SHISA9: variants seen among roughly 807,000 people sequenced by gnomAD.
SHISA9 encodes protein shisa-9.
In SHISA9, 13 loss-of-function variants were observed where a neutral mutation model predicts 38.0. The ratio of observed to expected loss-of-function variants is 0.34; its 90% confidence interval spans 0.22 to 0.54. The LOEUF (loss-of-function observed/expected upper bound fraction) is 0.54, where lower values mean the gene tolerates loss of function less well. Ranked by LOEUF, SHISA9 falls within the 20% of genes least tolerant of loss-of-function variation. The pLI is 0.91. For synonymous variants in SHISA9, 275 were observed against 242.0 expected (o/e 1.14, Z -1.27); for missense variants, 538 against 575.8 (o/e 0.93, Z 0.67).
chr16:13,502,203 C>T, the SHISA9 span, among the ~76,000 whole-genome samples: 1 of 139,640 alleles, frequency 7.2e-6, no homozygotes, highest in Non-Finnish European at 1.6e-5. Context: ...TTCCCACCTA[C>T]AAAATAAACC....
At chr16:13,223,888 C>G (rs1020209820) in intron 4 of SHISA9, among the ~76,000 whole-genome samples, 1 of 152,200 alleles carries the variant, frequency 6.6e-6, no homozygotes, top group South Asian at 2.1e-4. Flanking sequence ...TTGCAATATT[C>G]TATACTGCAG....
the SHISA9 span, among the ~76,000 whole-genome samples, chr16:13,257,088 G>A: frequency 9.9e-5 from 15 of 152,270 alleles, no homozygotes; most frequent in African/African-American, 2.2e-4. Flanking sequence ...GCCCATTTAC[G>A]AAGTTTTGTA....
chr16:13,007,536 C>G (rs2072614283), intron 2 of SHISA9, among the ~76,000 whole-genome samples: 1 of 152,180 alleles, frequency 6.6e-6, no homozygotes. Context: ...ATCTAAGATC[C>G]CAACCGTGTC....
At chr16:13,320,832 C>G in the SHISA9 span, among the ~76,000 whole-genome samples, 102 of 152,322 alleles carry the variant, frequency 6.7e-4, 1 homozygote, top group South Asian at 9.1e-3. Context: ...GGCCACCCCC[C>G]TCTAGACCTC....
chr16:13,297,869 G>A, the SHISA9 span, among the ~76,000 whole-genome samples: 2 of 152,140 alleles, frequency 1.3e-5, no homozygotes, highest in Non-Finnish European at 2.9e-5. Flanking sequence ...CAATTCTCCT[G>A]CTTCAGCCTC....
the SHISA9 span, among the ~76,000 whole-genome samples, chr16:13,390,574 T>G: frequency 6.6e-6 from 1 of 152,228 alleles, no homozygotes; most frequent in Non-Finnish European, 1.5e-5. Context: ...AAGTCACGTT[T>G]AAGAGCACGT....
At chr16:13,397,332 G>C in the SHISA9 span, among the ~76,000 whole-genome samples, 1 of 152,190 alleles carries the variant, frequency 6.6e-6, no homozygotes. Flanking sequence ...AGACAGGTCC[G>C]CTGTGGGGCT....
At chr16:13,043,114 C>A (rs2073150449) in intron 2 of SHISA9, among the ~76,000 whole-genome samples, 1 of 152,108 alleles carries the variant, frequency 6.6e-6, no homozygotes, top group Non-Finnish European at 1.5e-5. Flanking sequence ...CACTCAAGGA[C>A]CCAGGATGAT....
intron 1 of SHISA9, among the ~76,000 whole-genome samples, chr16:12,913,520 G>A (rs1325655212): frequency 4.6e-5 from 7 of 152,232 alleles, no homozygotes; most frequent in East Asian, 1.9e-4. Context: ...ACTTCTAATG[G>A]CAAAAGTTGC....
intron 2 of SHISA9, among the ~76,000 whole-genome samples, chr16:13,024,861 C>G (rs1056677330): frequency 2.6e-5 from 4 of 152,096 alleles, no homozygotes; most frequent in African/African-American, 9.7e-5. Context: ...TAGCATCTAT[C>G]TCTGCTTGCA....
chr16:13,318,681 G>A, the SHISA9 span, among the ~76,000 whole-genome samples: 2 of 152,160 alleles, frequency 1.3e-5, no homozygotes, highest in African/African-American at 2.4e-5. Flanking sequence ...GGACCACTGT[G>A]GTGGATCAAC....
intron 2 of SHISA9, among the ~76,000 whole-genome samples, chr16:13,019,887 CTTTCTTTCTTT>C (rs1567184099): frequency 0.03 from 391 of 12,946 alleles, 18 homozygotes; most frequent in Middle Eastern, 0.056. Context: ...TCCCTCCCTT[CTTTCTTTCTTT>C]CTTTCTTTCT....
the SHISA9 span, among the ~76,000 whole-genome samples, chr16:13,416,666 A>G: frequency 6.6e-6 from 1 of 151,742 alleles, no homozygotes; most frequent in Non-Finnish European, 1.5e-5. Flanking sequence ...GAGCGATGGT[A>G]ACACCACTGC....
chr16:13,213,283 C>T lies in SHISA9; in HGVS notation c.878C>T (p.Thr293Ile). The change falls in exon 4 of 5, where the codon ACA becomes ATA. Residue 293 changes from threonine (T) to isoleucine (I), a missense_variant. Around this residue, in one of 4 missense-constraint regions of SHISA9, gnomAD observed 326 missense variants for 305.9 expected, o/e 1.07. Coordinates refer to ENST00000558583, the MANE Select transcript of SHISA9 (RefSeq NM_001145204.3). ...TCTGATGGTGACTGGGCAGTATCGA[C>T]ACTTAAGTCACCAAAAGGTACTGTA... ...GSSDGDWAVSTLKSPKADKVN... is the reference protein window; with the variant it reads ...GSSDGDWAVSILKSPKADKVN... 3 of 1,551,818 alleles carry T rather than the reference C, an allele frequency of 1.9e-6. No individual in the cohort carries two copies. Among genetic ancestry groups the T allele is most frequent in the Non-Finnish European group, 2.6e-6 (3 of 1,146,994 alleles).
the SHISA9 span, among the ~76,000 whole-genome samples, chr16:13,270,179 A>G: frequency 6.6e-6 from 1 of 152,150 alleles, no homozygotes; most frequent in Admixed American, 6.5e-5. Flanking sequence ...GTCTTTATTT[A>G]CATTTCCCCT....
chr16:13,386,374 T>C, the SHISA9 span, among the ~76,000 whole-genome samples: 3 of 152,188 alleles, frequency 2.0e-5, no homozygotes, highest in African/African-American at 7.2e-5. Context: ...CTTACTTTAA[T>C]GCGAGTTCTA....
intron 2 of SHISA9, among the ~76,000 whole-genome samples, chr16:13,202,611 C>A (rs1246337615): frequency 1.2e-5 from 1 of 80,414 alleles, no homozygotes; most frequent in Non-Finnish European, 2.8e-5. Flanking sequence ...AGAAACTGTT[C>A]AAGTTTTCCT....
intron 2 of SHISA9, among the ~76,000 whole-genome samples, chr16:13,180,113 C>T (rs2050764538): frequency 6.6e-6 from 1 of 152,214 alleles, no homozygotes; most frequent in African/African-American, 2.4e-5. Context: ...CAGGTCTGGA[C>T]ATTTACAATG....
chr16:12,988,110 G>C (rs1323045438), intron 2 of SHISA9, among the ~76,000 whole-genome samples: 1 of 152,224 alleles, frequency 6.6e-6, no homozygotes, highest in African/African-American at 2.4e-5. Flanking sequence ...CCCAAAGGCA[G>C]CAATGCACTG....
Sources: gnomAD v4.1 joint callset for allele counts (sites outside exome capture counted in the v4.1 genomes callset) on GRCh38, gnomAD v4.1.1 for gene constraint, gnomAD v4.1.1 regional missense constraint, MANE v1.5 for transcripts, NCBI Gene and HGNC (gene_info 2026-07-23, HGNC 2026-07-21) for gene names.